TCF12: variants seen among roughly 807,000 people sequenced by gnomAD.
The protein encoded by TCF12 is transcription factor 12.
Under a neutral mutation model 86.0 loss-of-function variants are expected in TCF12, and 45 were observed. The ratio of observed to expected loss-of-function variants is 0.52; its 90% CI spans 0.41 to 0.67. The LOEUF is 0.67. TCF12 is among the 30% of genes least tolerant of loss of function. TCF12 has a pLI of 0.00. For synonymous variants in TCF12, 330 were observed against 299.6 expected, an observed-to-expected ratio of 1.10 and a Z score of -1.05; for missense variants, 881 against 859.9, an observed-to-expected ratio of 1.02 and a Z score of -0.31.
chr15:56,980,843 T>G (rs1595947459), intron 3 of TCF12, among the ~76,000 whole-genome samples: 1 of 152,194 alleles, frequency 6.6e-6, no homozygotes, highest in Admixed American at 6.5e-5. Flanking sequence ...AAGATAGATA[T>G]TATTTGTATG....
chr15:56,923,110 T>C (rs1162792990), intron 3 of TCF12, among the ~76,000 whole-genome samples: 1 of 152,012 alleles, frequency 6.6e-6, no homozygotes, highest in Non-Finnish European at 1.5e-5. Context: ...TGGAGTAACA[T>C]TTATAAAAAC....
chr15:57,063,850 A>G (rs1207697967), intron 4 of TCF12, 27 bp downstream of exon 4: 1 of 1,532,600 alleles, frequency 6.5e-7, no homozygotes, highest in South Asian at 1.2e-5. Context: ...ACCCTTGATT[A>G]AAGCTGTAAT....
chr15:56,943,298 C>G (rs1314389231), intron 3 of TCF12, among the ~76,000 whole-genome samples: 1 of 152,030 alleles, frequency 6.6e-6, no homozygotes, highest in Non-Finnish European at 1.5e-5. Context: ...AATGATTTGA[C>G]CTAATTATAC....
intron 2 of TCF12, 74 bp downstream of exon 2, chr15:56,920,062 T>C: frequency 6.4e-7 from 1 of 1,568,668 alleles, no homozygotes; most frequent in Non-Finnish European, 8.7e-7. Flanking sequence ...TTCTTTTAAA[T>C]AAAGGGTGAG....
At chr15:57,094,758 G>A (rs1298687597) in intron 5 of TCF12, among the ~76,000 whole-genome samples, 1 of 152,132 alleles carries the variant, frequency 6.6e-6, no homozygotes, top group African/African-American at 2.4e-5. Flanking sequence ...ATTTCCTGTT[G>A]CTGTCAACAT....
At chr15:56,926,652 A>G (rs7178030) in intron 3 of TCF12, among the ~76,000 whole-genome samples, 31,760 of 152,052 alleles carry the variant, frequency 0.21, 3,642 homozygotes, top group African/African-American at 0.31. Flanking sequence ...GTTTTTATTA[A>G]TCACCACTCC....
intron 3 of TCF12, among the ~76,000 whole-genome samples, chr15:57,050,990 G>A (rs895028656): frequency 3.9e-5 from 6 of 152,106 alleles, no homozygotes; most frequent in Non-Finnish European, 7.4e-5. Context: ...TGTCATCCTC[G>A]GATATGTTGA....
At position 57,271,378 on chromosome 15, in the gene TCF12, C is replaced by T. The variant is rs180725394; in HGVS notation, c.1746-1652C>T. On this transcript the variant is annotated intron_variant, in intron 18 of 20. Transcript: ENST00000333725. Reference sequence around the variant, plus strand: ...CTAGCAGCAAGCAAGGCTCCGTGGGCCTGGGACCCACCAGGCCAGGCACGG... The same window carrying T: ...CTAGCAGCAAGCAAGGCTCCGTGGGTCTGGGACCCACCAGGCCAGGCACGG... 3.2e-3 allele frequency among the ~76,000 whole-genome samples: 485 copies of T among 152,346 alleles called. 1 individual carries two copies. The highest frequency in any genetic ancestry group is 6.0e-3 in the Non-Finnish European group (405 of 68,028).
At chr15:57,230,085 A>T (rs1297110690) in intron 8 of TCF12, among the ~76,000 whole-genome samples, 1 of 151,904 alleles carries the variant, frequency 6.6e-6, no homozygotes, top group African/African-American at 2.4e-5. Flanking sequence ...CAAAGAGGTA[A>T]CCATTATTGA....
intron 6 of TCF12, among the ~76,000 whole-genome samples, chr15:57,172,851 A>G (rs997373876): frequency 6.6e-6 from 1 of 152,114 alleles, no homozygotes; most frequent in Non-Finnish European, 1.5e-5. Context: ...CTGTAACCCC[A>G]GCCCTTTGGA....
intron 3 of TCF12, among the ~76,000 whole-genome samples, chr15:56,967,662 T>C (rs1056724693): frequency 3.9e-5 from 6 of 152,204 alleles, no homozygotes; most frequent in South Asian, 2.1e-4. Flanking sequence ...GATCAGATCA[T>C]TGGGACTTGT....
intron 3 of TCF12, among the ~76,000 whole-genome samples, chr15:56,997,948 A>G (rs1209635337): frequency 6.6e-6 from 1 of 152,370 alleles, no homozygotes; most frequent in East Asian, 1.9e-4. Context: ...GAGCTAAGCT[A>G]ATACCCAAAT....
intron 6 of TCF12, among the ~76,000 whole-genome samples, chr15:57,191,353 G>A (rs2056970678): frequency 6.6e-6 from 1 of 152,088 alleles, no homozygotes; most frequent in Admixed American, 6.5e-5. Context: ...AGTCCTAGCT[G>A]TTTCAGCAGG....
At chr15:57,130,372 C>T (rs2151339419) in intron 5 of TCF12, among the ~76,000 whole-genome samples, 1 of 152,224 alleles carries the variant, frequency 6.6e-6, no homozygotes, top group Non-Finnish European at 1.5e-5. Context: ...TTTAGAGAGG[C>T]AGCATCTGTA....
At chr15:57,156,672 G>A (rs548065430) in intron 5 of TCF12, among the ~76,000 whole-genome samples, 1 of 152,166 alleles carries the variant, frequency 6.6e-6, no homozygotes, top group Non-Finnish European at 1.5e-5. Flanking sequence ...TCCCTGGCAC[G>A]CAAACAACAC....
At chr15:57,103,750 T>C (rs137936614) in intron 5 of TCF12, among the ~76,000 whole-genome samples, 1 of 152,264 alleles carries the variant, frequency 6.6e-6, no homozygotes, top group African/African-American at 2.4e-5. Context: ...ATTGCACTCA[T>C]TAAAACTTAC....
At chr15:57,150,238 C>G (rs979430489) in intron 5 of TCF12, among the ~76,000 whole-genome samples, 27 of 152,128 alleles carry the variant, frequency 1.8e-4, no homozygotes, top group Non-Finnish European at 3.5e-4. Flanking sequence ...GAGTTTGGTT[C>G]CAAGTCTTTG....
intron 16 of TCF12, among the ~76,000 whole-genome samples, chr15:57,254,262 T>C (rs2060245525): frequency 6.6e-6 from 1 of 152,212 alleles, no homozygotes; most frequent in South Asian, 2.1e-4. Flanking sequence ...AACTTACCTA[T>C]CATCAAAATA....
intron 3 of TCF12, among the ~76,000 whole-genome samples, chr15:57,006,738 G>A (rs1294399973): frequency 5.6e-5 from 8 of 142,954 alleles, no homozygotes; most frequent in South Asian, 4.8e-4. Context: ...CCAACACAGC[G>A]AAACCCCATC....
Sources: allele counts gnomAD v4.1 joint callset (sites outside exome capture counted in the v4.1 genomes callset), GRCh38; gene constraint gnomAD v4.1.1; transcripts MANE v1.5; gene names NCBI Gene and HGNC (gene_info 2026-07-23, HGNC 2026-07-21).